DPP10: variants seen among roughly 807,000 people sequenced by gnomAD.
DPP10 encodes dipeptidyl peptidase like 10.
DPP10 carries 33 observed loss-of-function variants against 120.9 expected under a neutral mutation model. That is an observed-to-expected ratio of 0.27 (90% CI 0.21 to 0.37). The LOEUF (loss-of-function observed/expected upper bound fraction) is 0.37, where lower values mean the gene tolerates loss of function less well. DPP10 is among the 10% of genes least tolerant of loss of function. The pLI, the probability that DPP10 is intolerant of heterozygous loss-of-function variation, is 1.00. For synonymous variants in DPP10, 337 were observed against 326.1 expected, an observed-to-expected ratio of 1.03 and a Z score of -0.36; for missense variants, 816 against 942.8, an observed-to-expected ratio of 0.87 and a Z score of 1.76.
intron 7 of DPP10, among the ~76,000 whole-genome samples, chr2:115,709,158 G>C (rs2092232604): frequency 6.6e-6 from 1 of 152,076 alleles, no homozygotes; most frequent in South Asian, 2.1e-4. Flanking sequence ...TGTTAGTTTT[G>C]TTTAGAGTTT....
intron 3 of DPP10, among the ~76,000 whole-genome samples, chr2:115,417,132 A>G (rs529464304): frequency 6.6e-6 from 1 of 152,278 alleles, no homozygotes; most frequent in Admixed American, 6.5e-5. Context: ...ATTCAGGTAT[A>G]TATTTTTGAA....
intron 4 of DPP10, among the ~76,000 whole-genome samples, chr2:115,518,995 T>C (rs2077651775): frequency 6.6e-6 from 1 of 152,174 alleles, no homozygotes; most frequent in African/African-American, 2.4e-5. Flanking sequence ...CAAACTGAAC[T>C]TCACATAAAT....
chr2:114,552,332 T>G (rs950766778), intron 1 of DPP10, among the ~76,000 whole-genome samples: 30 of 75,122 alleles, frequency 4.0e-4, no homozygotes, highest in African/African-American at 9.2e-4. Flanking sequence ...TTTGTATTGA[T>G]TCCCATTACA....
intron 3 of DPP10, among the ~76,000 whole-genome samples, chr2:115,394,448 G>A (rs1451649519): frequency 3.6e-5 from 5 of 140,566 alleles, no homozygotes; most frequent in African/African-American, 1.3e-4. Flanking sequence ...ATTATAGGCT[G>A]CTACATGTAA....
At chr2:115,189,459 A>G (rs1401577890) in intron 1 of DPP10, among the ~76,000 whole-genome samples, 1 of 152,192 alleles carries the variant, frequency 6.6e-6, no homozygotes, top group African/African-American at 2.4e-5. Flanking sequence ...ATTTACTGAA[A>G]CTAGAGCCAA....
intron 1 of DPP10, among the ~76,000 whole-genome samples, chr2:114,787,759 T>C (rs1682885042): frequency 6.6e-6 from 1 of 152,240 alleles, no homozygotes; most frequent in East Asian, 1.9e-4. Flanking sequence ...GTCTGGGGGC[T>C]ACCCGCTTTG....
chr2:114,622,413 T>A (rs1694167528), intron 1 of DPP10, among the ~76,000 whole-genome samples: 1 of 151,984 alleles, frequency 6.6e-6, no homozygotes, highest in African/African-American at 2.4e-5. Context: ...TATCTTTTTT[T>A]TTTTTTTGCT....
At chr2:115,771,711 G>C (rs927338779) in intron 13 of DPP10, among the ~76,000 whole-genome samples, 24 of 152,108 alleles carry the variant, frequency 1.6e-4, no homozygotes, top group African/African-American at 5.6e-4. Context: ...TGCCTGAAAA[G>C]TGAGAAATGA....
At chr2:114,576,873 G>A (rs1275467177) in intron 1 of DPP10, among the ~76,000 whole-genome samples, 1 of 148,808 alleles carries the variant, frequency 6.7e-6, no homozygotes, top group Non-Finnish European at 1.5e-5. Context: ...TGGGAAGAGT[G>A]TTTTTTTTTT....
chr2:115,572,159 T>G (rs560595835), intron 5 of DPP10, among the ~76,000 whole-genome samples: 2 of 152,084 alleles, frequency 1.3e-5, no homozygotes, highest in South Asian at 4.1e-4. Context: ...AACTTAACAA[T>G]AAATGCATTT....
At chr2:114,483,905 G>A (rs1681277889) in intron 1 of DPP10, among the ~76,000 whole-genome samples, 1 of 152,136 alleles carries the variant, frequency 6.6e-6, no homozygotes, top group African/African-American at 2.4e-5. Context: ...GGAGCTGAGC[G>A]GTGGCACTGT....
chr2:114,923,560 G>C (rs937530055), intron 1 of DPP10, among the ~76,000 whole-genome samples: 1 of 133,794 alleles, frequency 7.5e-6, no homozygotes, highest in African/African-American at 2.9e-5. Context: ...CTCAATGCAA[G>C]CTCTGCCACC....
intron 1 of DPP10, among the ~76,000 whole-genome samples, chr2:114,530,402 C>G (rs1240296223): frequency 3.9e-5 from 6 of 152,132 alleles, no homozygotes; most frequent in Non-Finnish European, 8.8e-5. Flanking sequence ...TTGAATGAGA[C>G]AGCAACAGCA....
At chr2:115,215,228 A>C (rs1198146062) in intron 1 of DPP10, among the ~76,000 whole-genome samples, 1 of 152,236 alleles carries the variant, frequency 6.6e-6, no homozygotes, top group Non-Finnish European at 1.5e-5. Flanking sequence ...GTTTCAAAGC[A>C]TAACTTATGA....
At chr2:115,760,815 G>A (rs1680021222) in intron 11 of DPP10, among the ~76,000 whole-genome samples, 1 of 152,166 alleles carries the variant, frequency 6.6e-6, no homozygotes, top group Admixed American at 6.5e-5. Flanking sequence ...TTGGCCTACA[G>A]GCCGGCTGTG....
chr2:115,553,797 T>C (rs569737712), intron 5 of DPP10, among the ~76,000 whole-genome samples: 1 of 152,064 alleles, frequency 6.6e-6, no homozygotes, highest in African/African-American at 2.4e-5. Flanking sequence ...GATGTTTCTT[T>C]TGGCACTCAA....
At chr2:115,629,413 C>T (rs1031552481) in intron 5 of DPP10, among the ~76,000 whole-genome samples, 3 of 152,016 alleles carry the variant, frequency 2.0e-5, no homozygotes, top group Non-Finnish European at 4.4e-5. Context: ...AATGGTTGAA[C>T]TAGTTTACAG....
intron 1 of DPP10, among the ~76,000 whole-genome samples, chr2:115,145,529 C>A (rs1304749244): frequency 6.6e-6 from 1 of 152,182 alleles, no homozygotes; most frequent in African/African-American, 2.4e-5. Flanking sequence ...GGATATACCA[C>A]ACTTTATTCA....
intron 5 of DPP10, among the ~76,000 whole-genome samples, chr2:115,622,829 C>CT (rs765780452): frequency 0.36 from 45,394 of 127,774 alleles, 6,974 homozygotes; most frequent in Non-Finnish European, 0.43. Context: ...TTCGTTTATT[C>CT]TTTTTTTTTT....
Sources: allele counts gnomAD v4.1 joint callset (sites outside exome capture counted in the v4.1 genomes callset), GRCh38; gene constraint gnomAD v4.1.1; transcripts MANE v1.5; gene names NCBI Gene and HGNC (gene_info 2026-07-23, HGNC 2026-07-21).